RB1: variants seen among roughly 807,000 people sequenced by gnomAD.
The protein encoded by RB1 is retinoblastoma-associated protein.
Under a neutral mutation model 135.4 loss-of-function variants are expected in RB1, and 18 were observed. The observed-to-expected ratio is 0.13, with a 90% confidence interval of 0.09 to 0.20. RB1 has a LOEUF of 0.20. RB1 is among the 10% of genes least tolerant of loss of function. RB1 has a pLI of 1.00. For synonymous variants in RB1, 365 were observed against 373.2 expected, an observed-to-expected ratio of 0.98 and a Z score of 0.25; for missense variants, 868 against 1,110.0, an observed-to-expected ratio of 0.78 and a Z score of 3.10.
chr13:48,474,175 G>T (rs566476153), intron 24 of RB1, among the ~76,000 whole-genome samples: 1 of 152,062 alleles, frequency 6.6e-6, no homozygotes, highest in Non-Finnish European at 1.5e-5. Context: ...CCTTATTGTT[G>T]AGGGGTTTTT....
intron 23 of RB1, among the ~76,000 whole-genome samples, chr13:48,471,573 T>TAAAAAAAA (rs1555294964): frequency 3.7e-5 from 5 of 133,994 alleles, no homozygotes; most frequent in East Asian, 4.4e-4. Flanking sequence ...AAAATATAAA[T>TAAAAAAAA]AAAAAAAAAA....
chr13:48,318,115 C>T, intron 2 of RB1: 2 of 520,664 alleles, frequency 3.8e-6, no homozygotes, highest in South Asian at 2.0e-5. Flanking sequence ...ACTCGGAAGG[C>T]CGGGGCCGTG....
intron 26 of RB1, among the ~76,000 whole-genome samples, chr13:48,478,602 A>G (rs1288631260): frequency 2.0e-5 from 3 of 152,314 alleles, no homozygotes; most frequent in South Asian, 2.1e-4. Flanking sequence ...TTTCCCAGTG[A>G]CACACTTAGC....
At chr13:48,370,513 G>A (rs916778665) in intron 11 of RB1, among the ~76,000 whole-genome samples, 3 of 152,124 alleles carry the variant, frequency 2.0e-5, no homozygotes, top group African/African-American at 2.4e-5. Context: ...TCTTAGGTTC[G>A]ATTAATTTGC....
intron 17 of RB1, among the ~76,000 whole-genome samples, chr13:48,449,029 A>G (rs1394133388): frequency 6.6e-6 from 1 of 152,234 alleles, no homozygotes; most frequent in Non-Finnish European, 1.5e-5. Flanking sequence ...AGAGCAGGAT[A>G]AATAAGAAAA....
rs542531537 is a variant in RB1, at chr13:48,309,106, G to A, written c.264+1700G>A. Among the ~76,000 whole-genome samples, 252 of 152,098 alleles carry A rather than the reference G, an allele frequency of 1.7e-3. 1 individual carries two copies. Among genetic ancestry groups the A allele is most frequent in the Non-Finnish European group, 3.0e-3 (206 of 67,994 alleles). On this transcript the variant is annotated intron_variant, in intron 2 of 26. Coordinates refer to ENST00000267163, the MANE Select transcript of RB1 (RefSeq NM_000321.3). ...GTAAGAATAATGCCTGGCACAAAGTGAGTCCTTGATAACTTGTTAAATAAA... is the reference window on the plus strand; with the variant it reads ...GTAAGAATAATGCCTGGCACAAAGTAAGTCCTTGATAACTTGTTAAATAAA...
At position 48,380,146 on chromosome 13, in the gene RB1, CTT is replaced by C. The variant is rs747048469; in HGVS notation, c.1422-9_1422-8del. 187 of 1,146,622 alleles carry C rather than the reference CTT, an allele frequency of 1.6e-4. No individual in the cohort carries two copies. The highest frequency in any genetic ancestry group is 8.6e-4 in the South Asian group (51 of 59,014). 71.0% of individuals were successfully genotyped at this position (1,146,622 alleles called of 1,614,324 possible). A position where few individuals can be genotyped will look rare whatever the true frequency, so the allele number is the denominator to read the frequency against. ...TTTATAGAAGTAAGTATTTTATAAT[CTT>C]TTTTTTTTTCCTTTAGCAAACTTCT... On this transcript the variant is annotated splice_polypyrimidine_tract_variant and intron_variant, in intron 15 of 26. Coordinates refer to ENST00000267163, the MANE Select transcript of RB1 (RefSeq NM_000321.3).
intron 2 of RB1, among the ~76,000 whole-genome samples, chr13:48,307,732 G>T (rs1018192959): frequency 1.3e-5 from 2 of 150,040 alleles, no homozygotes; most frequent in African/African-American, 4.9e-5. Flanking sequence ...AGGGTGTGGC[G>T]TGCGCCTGTA....
At chr13:48,408,960 G>T (rs1462441045) in intron 17 of RB1, among the ~76,000 whole-genome samples, 1 of 152,220 alleles carries the variant, frequency 6.6e-6, no homozygotes, top group East Asian at 1.9e-4. Context: ...CAGATCAGTA[G>T]ATTGGTAGTT....
intron 11 of RB1, among the ~76,000 whole-genome samples, chr13:48,372,365 T>C (rs956113174): frequency 6.6e-6 from 1 of 152,148 alleles, no homozygotes; most frequent in African/African-American, 2.4e-5. Context: ...TGTTGCAATA[T>C]ATTTGAAAGA....
chr13:48,399,538 A>G (rs1210326892), intron 17 of RB1, among the ~76,000 whole-genome samples: 1 of 152,074 alleles, frequency 6.6e-6, no homozygotes, highest in Admixed American at 6.6e-5. Context: ...AGATCTAGGA[A>G]TATAAGCTCA....
rs1022138223 is a variant in RB1 at position 48,318,470 on chromosome 13, C to A, written c.264+11064C>A. On this transcript the variant is annotated intron_variant, in intron 2 of 26. Transcript: ENST00000267163. The stretch of plus-strand genomic sequence containing the variant: ...CGGAGCTCTCCTTCTCGTCCAGGTG[C>A]CTCACCTCGTCTGTCTTACCCTGGC... The A allele has an allele frequency of 1.8e-5, 24 of 1,319,626 alleles. No homozygotes were observed. In the African/African-American group the frequency reaches 3.1e-4, roughly 17 times the overall value. 81.7% of individuals were successfully genotyped at this position (1,319,626 alleles called of 1,614,324 possible).
intron 16 of RB1, among the ~76,000 whole-genome samples, chr13:48,380,974 A>T (rs996441526): frequency 3.3e-5 from 5 of 152,308 alleles, no homozygotes; most frequent in African/African-American, 1.2e-4. Flanking sequence ...TAAGATACTA[A>T]ACCTGTTCCT....
chr13:48,463,964 C>T (rs1284096547), intron 21 of RB1, 129 bp downstream of exon 21: 10 of 582,364 alleles, frequency 1.7e-5, no homozygotes, highest in Admixed American at 6.8e-5. Context: ...TGTAAATTCA[C>T]AAATAAAAAC....
intron 17 of RB1, among the ~76,000 whole-genome samples, chr13:48,434,741 T>C (rs1949165608): frequency 1.3e-5 from 2 of 152,218 alleles, no homozygotes; most frequent in African/African-American, 2.4e-5. Flanking sequence ...TCTCTACCCC[T>C]GTCCCTAACA....
chr13:48,466,168 T>A (rs1397061676), intron 23 of RB1, among the ~76,000 whole-genome samples: 1 of 138,566 alleles, frequency 7.2e-6, no homozygotes, highest in African/African-American at 2.6e-5. Flanking sequence ...GTCTGACAGC[T>A]TTGAAGAGAG....
chr13:48,309,009 A>G (rs962564010), intron 2 of RB1, among the ~76,000 whole-genome samples: 2 of 152,120 alleles, frequency 1.3e-5, no homozygotes, highest in Admixed American at 6.5e-5. Context: ...TTAATTTGTT[A>G]ACTCTTACTG....
chr13:48,351,818 T>A (rs987555042), intron 6 of RB1, among the ~76,000 whole-genome samples: 2 of 151,874 alleles, frequency 1.3e-5, no homozygotes, highest in Non-Finnish European at 2.9e-5. Context: ...GGACTACAGG[T>A]GTGCACCACC....
Position 48,303,937 on chromosome 13 carries a change from ACGGCCGCCACCGCCGCCG to A in RB1, c.27_44del (p.Thr12_Ala17del), listed in dbSNP as rs1481932082. On this transcript the variant is annotated inframe_deletion, in exon 1 of 27. Transcript: ENST00000267163. Reference sequence around the variant, plus strand: ...CATGCCGCCCAAAACCCCCCGAAAAACGGCCGCCACCGCCGCCGCTGCCGCCGCGGAACCCCCGGCACC... The same window carrying A: ...CATGCCGCCCAAAACCCCCCGAAAAACTGCCGCCGCGGAACCCCCGGCACC... The A allele has an allele frequency of 6.6e-7, 1 of 1,508,908 alleles. No homozygotes were observed. Among genetic ancestry groups the A allele is most frequent in the Non-Finnish European group, 8.8e-7 (1 of 1,136,238 alleles). The allele number at this position is 1,508,908 out of a possible 1,614,324, so 93.5% of individuals were successfully genotyped here.
Sources: gnomAD v4.1 joint callset for allele counts (sites outside exome capture counted in the v4.1 genomes callset) on GRCh38, gnomAD v4.1.1 for gene constraint, MANE v1.5 for transcripts, NCBI Gene and HGNC (gene_info 2026-07-23, HGNC 2026-07-21) for gene names.